SARDH: variants seen among roughly 807,000 people sequenced by gnomAD.
The protein encoded by SARDH is sarcosine dehydrogenase, mitochondrial.
SARDH carries 95 observed loss-of-function variants against 109.1 expected under a neutral mutation model. The observed-to-expected ratio is 0.87, with a 90% CI of 0.74 to 1.03. The LOEUF (loss-of-function observed/expected upper bound fraction) is 1.03, where lower values mean the gene tolerates loss of function less well. Ranked by LOEUF, SARDH falls within the 50% of genes least tolerant of loss-of-function variation. The pLI is 0.00. For missense variants in SARDH, 1,267 were observed against 1,287.8 expected, an observed-to-expected ratio of 0.98 and a Z score of 0.25; for synonymous variants, 572 against 534.8, an observed-to-expected ratio of 1.07 and a Z score of -0.96.
intron 20 of SARDH, among the ~76,000 whole-genome samples, chr9:133,664,423 C>T (rs1829991277): frequency 6.6e-6 from 1 of 152,240 alleles, no homozygotes; most frequent in Admixed American, 6.5e-5. Context: ...GCGGCTGGAA[C>T]AGCCTTCTAG....
Position 133,718,892 on chromosome 9 carries a change from T to A in SARDH, c.1020+46A>T. The A allele has an allele frequency of 7.0e-7, 1 of 1,429,872 alleles. No homozygotes were observed. Among genetic ancestry groups the A allele is most frequent in the South Asian group, 1.1e-5 (1 of 87,006 alleles). 88.6% of individuals were successfully genotyped at this position (1,429,872 alleles called of 1,614,324 possible). ...GAAAGAGGCCCTCTCCATGCTGAGA[T>A]GCAGCCCCAACTCCCTCCCATTATC... On this transcript the variant is annotated intron_variant, in intron 7 of 20. Coordinates refer to ENST00000439388, the MANE Select transcript of SARDH (RefSeq NM_001134707.2). This position sits in a 1 kb window ranked among gnomAD's most constrained non-coding sequence, Gnocchi z 4.2.
At position 133,666,912 on chromosome 9, in the gene SARDH, A is replaced by C. The variant is rs777645323; in HGVS notation, c.2496-42T>G. ...AGAAAGCTGGGGCCCCAGAAACCGCAGGGTGGGGACGCGTCCACAGCGGCC... is the reference window on the plus strand; with the variant it reads ...AGAAAGCTGGGGCCCCAGAAACCGCCGGGTGGGGACGCGTCCACAGCGGCC... On this transcript the variant is annotated intron_variant, in intron 19 of 20. Coordinates refer to ENST00000439388, the MANE Select transcript of SARDH (RefSeq NM_001134707.2). This position sits in a 1 kb window ranked among gnomAD's most constrained non-coding sequence, Gnocchi z 5.2. 4.3e-6 allele frequency: 7 copies of C among 1,609,750 alleles called. No homozygotes were observed. The highest frequency in any genetic ancestry group is 5.1e-6 in the Non-Finnish European group (6 of 1,178,620).
intron 1 of SARDH, among the ~76,000 whole-genome samples, chr9:133,735,651 C>T (rs2905214): frequency 0.26 from 39,646 of 152,164 alleles, 5,394 homozygotes; most frequent in East Asian, 0.31. Flanking sequence ...TAGGGCCTTT[C>T]CCCTGGAGAG....
intron 17 of SARDH, among the ~76,000 whole-genome samples, chr9:133,680,724 A>C (rs1830667925): frequency 2.0e-5 from 3 of 151,962 alleles, no homozygotes; most frequent in African/African-American, 4.8e-5. Flanking sequence ...TGAGGGCCAC[A>C]GTCGTCCTCC....
chr9:133,698,523 C>T (rs1831368752), intron 13 of SARDH, among the ~76,000 whole-genome samples: 2 of 152,160 alleles, frequency 1.3e-5, no homozygotes, highest in African/African-American at 2.4e-5. Context: ...TCCAAACTTG[C>T]TATTAAAATA....
At chr9:133,660,296 G>C (rs955858255), downstream of SARDH, among the ~76,000 whole-genome samples, 1 of 152,112 alleles carries the variant, frequency 6.6e-6, no homozygotes, top group African/African-American at 2.4e-5. Context: ...GGAGGAAACT[G>C]AGGCTCAGAG....
chr9:133,708,619 C>A (rs1831795263), intron 10 of SARDH, among the ~76,000 whole-genome samples, 191 bp from the exon 11 acceptor site: 2 of 152,148 alleles, frequency 1.3e-5, no homozygotes, highest in South Asian at 4.1e-4. Context: ...CCCAGAGCCA[C>A]CCCACCCCAG....
In SARDH at chr9:133,698,009, T is replaced by TAA. The variant is rs371381068; in HGVS notation, c.1669-1650_1669-1649dup. Among the ~76,000 whole-genome samples, 549 of 95,492 alleles carry TAA rather than the reference T, an allele frequency of 5.7e-3. 12 individuals are homozygous for TAA. The highest frequency in any genetic ancestry group is 0.021 in the African/African-American group (527 of 24,764). The allele number at this position is 95,492 out of a possible 152,430, so 62.6% of individuals were successfully genotyped here. A position where few individuals can be genotyped will look rare whatever the true frequency, so the allele number is the denominator to read the frequency against. On this transcript the variant is annotated intron_variant, in intron 13 of 20. Coordinates refer to ENST00000439388, the MANE Select transcript of SARDH (RefSeq NM_001134707.2). ...ATATAGGAAATCCTAAGGAATCCAC[T>TAA]AAAAAAAAAAAAGAAAAAAAAGAAA...
chr9:133,717,851 C>A (rs1334297545), intron 7 of SARDH, among the ~76,000 whole-genome samples: 1 of 152,214 alleles, frequency 6.6e-6, no homozygotes, highest in African/African-American at 2.4e-5. Context: ...CTTGTGTGAG[C>A]TCAAGGCCTT....
intron 1 of SARDH, among the ~76,000 whole-genome samples, chr9:133,737,810 C>G (rs1832934295): frequency 2.6e-5 from 4 of 152,248 alleles, no homozygotes; most frequent in Admixed American, 2.6e-4. Context: ...TCCACATTAA[C>G]CCACTCTCTT....
chr9:133,692,084 G>C lies in SARDH; in HGVS notation c.1922-1557C>G, dbSNP rs1831119182. 1.3e-5 allele frequency among the ~76,000 whole-genome samples: 2 copies of C among 152,162 alleles called. No homozygotes were observed. The highest frequency in any genetic ancestry group is 4.8e-5 in the African/African-American group (2 of 41,442). ...GGACGAGCAAGGTCCTCATTCCCCA[G>C]CCAGGGAAACTGAGGCTCAGGGAGG... On this transcript the variant is annotated intron_variant, in intron 15 of 20. Coordinates refer to ENST00000439388, the MANE Select transcript of SARDH (RefSeq NM_001134707.2). This position sits in a 1 kb window ranked among gnomAD's most constrained non-coding sequence, Gnocchi z 5.0.
rs572630194 is a variant in SARDH, at chr9:133,732,044, G to C, written c.510+379C>G. 2.0e-4 allele frequency among the ~76,000 whole-genome samples: 31 copies of C among 152,282 alleles called. No homozygotes were observed. The South Asian group carries it at 2.9e-3, about 14-fold the overall frequency. On this transcript the variant is annotated intron_variant, in intron 3 of 20. Transcript: ENST00000439388. ...CTGGGCCAATCAGATTCTCTGTCTG[G>C]GAATTCTGAATGAAGCCTGGCAAAG...
chr9:133,712,656 C>A lies in SARDH; in HGVS notation c.1291G>T (p.Gly431Trp), dbSNP rs750420055. The A allele has an allele frequency of 1.2e-6, 2 of 1,610,506 alleles. No homozygotes were observed. The highest frequency in any genetic ancestry group is 1.7e-6 in the Non-Finnish European group (2 of 1,179,984). The change falls in exon 10 of 21, where the codon GGG (glycine) becomes TGG (tryptophan). Residue 431 changes from glycine (G) to tryptophan (W), a missense_variant. By Grantham distance (184) the Gly-to-Trp change is radical (BLOSUM62 -2). Transcript: ENST00000439388. The surrounding 1 kb of genome is among the most constrained non-coding windows in gnomAD (Gnocchi z 4.1). ...CCATGCATGTCCTTCTCCGGGCGCC[C>A]ATGGATGATCCAGTGGGCCAGCTCC... is the stretch of plus-strand genomic sequence containing the variant. ...GQELAHWIIH[G>W]RPEKDMHGYD...
intron 13 of SARDH, among the ~76,000 whole-genome samples, chr9:133,699,142 T>C (rs1311922334): frequency 6.6e-6 from 1 of 151,714 alleles, no homozygotes; most frequent in East Asian, 1.9e-4. Flanking sequence ...AGGTCAGGAG[T>C]TCGAGACCAG....
At chr9:133,687,381 C>T (rs942687737) in intron 16 of SARDH, among the ~76,000 whole-genome samples, 3 of 152,218 alleles carry the variant, frequency 2.0e-5, no homozygotes, top group Admixed American at 6.5e-5. Context: ...AGCGATCCTC[C>T]AGCCTTGGGC....
rs546137138 is a variant in SARDH at position 133,668,269 on chromosome 9, C to T, written c.2496-1399G>A. Among the ~76,000 whole-genome samples, 3 of 137,230 alleles carry T rather than the reference C, an allele frequency of 2.2e-5. No homozygotes were observed. The East Asian group carries it at 7.5e-4, about 34-fold the overall frequency. The allele number at this position is 137,230 out of a possible 152,430, so 90.0% of individuals were successfully genotyped here. A position where few individuals can be genotyped will look rare whatever the true frequency, so the allele number is the denominator to read the frequency against. On this transcript the variant is annotated intron_variant, in intron 19 of 20. Coordinates refer to ENST00000439388, the MANE Select transcript of SARDH (RefSeq NM_001134707.2). The stretch of plus-strand genomic sequence containing the variant: ...ACAGGATGACGACGACACGGCTCCA[C>T]TCACCGTCCCTCTCCCTCCCTCTCC...
Position 133,672,652 on chromosome 9 carries a change from C to A in SARDH, c.2164-955G>T, listed in dbSNP as rs558366375. Among the ~76,000 whole-genome samples the A allele has an allele frequency of 2.4e-4, 36 of 152,350 alleles. No individual in the cohort carries two copies. The South Asian group carries it at 6.6e-3, about 28-fold the overall frequency. ...CGTCACCCACCAATTCTGGTCAGCCCCGGCCCAGCACCGGGCTCTGAAGAC... is the reference window on the plus strand; with the variant it reads ...CGTCACCCACCAATTCTGGTCAGCCACGGCCCAGCACCGGGCTCTGAAGAC... On this transcript the variant is annotated intron_variant, in intron 17 of 20. Coordinates refer to ENST00000439388, the MANE Select transcript of SARDH (RefSeq NM_001134707.2).
chr9:133,672,492 C>G (rs939039194), intron 17 of SARDH, among the ~76,000 whole-genome samples: 3 of 152,234 alleles, frequency 2.0e-5, no homozygotes, highest in Admixed American at 1.3e-4. Context: ...GTTTCAGAAG[C>G]TCTGAGACAC....
chr9:133,727,995 C>A (rs896413505), intron 6 of SARDH, among the ~76,000 whole-genome samples: 3 of 152,110 alleles, frequency 2.0e-5, no homozygotes, highest in African/African-American at 7.2e-5. Flanking sequence ...CCCACTGAGA[C>A]CTGAGCGTGA....
Sources: allele counts gnomAD v4.1 joint callset (sites outside exome capture counted in the v4.1 genomes callset), GRCh38; gene constraint gnomAD v4.1.1; non-coding constraint Gnocchi (gnomAD v3.1); transcripts MANE v1.5; gene names NCBI Gene and HGNC (gene_info 2026-07-23, HGNC 2026-07-21).